Variants in DAPL1 observed in about 807,000 individuals in gnomAD.
The protein encoded by DAPL1 is death associated protein like 1, also known as death-associated protein-like 1.
A neutral mutation model predicts 12.9 loss-of-function variants in DAPL1; 17 were observed. That is an observed-to-expected ratio of 1.32 (90% CI 0.90 to 1.98). The LOEUF is 1.98. Ranked by LOEUF, DAPL1 falls within the 30% of genes most tolerant of loss-of-function variation. The probability of loss-of-function intolerance (pLI) is 0.00; values close to 1 mark genes in which losing one functional copy is unlikely to be tolerated. For synonymous variants in DAPL1, 51 were observed against 42.0 expected (o/e 1.21, Z -0.82); for missense variants, 157 against 125.7 (o/e 1.25, Z -1.19).
At chr2:158,796,296 TAGGCCA>T (rs2059134109) in intron 1 of DAPL1, among the ~76,000 whole-genome samples, 1 of 152,208 alleles carries the variant, frequency 6.6e-6, no homozygotes, top group African/African-American at 2.4e-5. Context: ...CTGGCACCTC[TAGGCCA>T]AGGTTATTTC....
At chr2:158,798,386 G>A (rs1448933063) in intron 1 of DAPL1, among the ~76,000 whole-genome samples, 2 of 152,190 alleles carry the variant, frequency 1.3e-5, no homozygotes, top group Non-Finnish European at 2.9e-5. Flanking sequence ...ATCTGCTCAA[G>A]TCAACTTGGG....
intron 3 of DAPL1, among the ~76,000 whole-genome samples, chr2:158,814,768 G>A (rs2059251184): frequency 1.3e-5 from 2 of 152,198 alleles, no homozygotes; most frequent in African/African-American, 4.8e-5. Flanking sequence ...TGAGTGCCAA[G>A]GCAAGGGCAT....
intron 2 of DAPL1, among the ~76,000 whole-genome samples, chr2:158,806,587 T>C (rs9288722): frequency 0.63 from 95,801 of 151,788 alleles, 30,756 homozygotes; most frequent in East Asian, 0.84. Flanking sequence ...GTAATCTCAG[T>C]ACTTTGGGAG....
At chr2:158,804,406 G>T (rs2059188052) in intron 2 of DAPL1, 37 bp downstream of exon 2, 1 of 1,449,082 alleles carries the variant, frequency 6.9e-7, no homozygotes. Flanking sequence ...ACCTTGAGGA[G>T]TTTTGAGTGA....
At chr2:158,812,794 C>CAAAA (rs148850724) in intron 3 of DAPL1, among the ~76,000 whole-genome samples, 1 of 124,460 alleles carries the variant, frequency 8.0e-6, no homozygotes, top group Non-Finnish European at 1.6e-5. Flanking sequence ...AACCTCAGCT[C>CAAAA]AAAAAAAAAA....
At chr2:158,798,375 C>T (rs2059146592) in intron 1 of DAPL1, among the ~76,000 whole-genome samples, 1 of 152,222 alleles carries the variant, frequency 6.6e-6, no homozygotes, top group South Asian at 2.1e-4. Flanking sequence ...CTCTCAATTC[C>T]ATCTGCTCAA....
At chr2:158,804,143 T>C in intron 1 of DAPL1, 139 bp from the exon 2 acceptor site, 1 of 564,788 alleles carries the variant, frequency 1.8e-6, no homozygotes, top group Non-Finnish European at 3.1e-6. Context: ...TATTTTTTAT[T>C]GTGTTGTTTT....
intron 3 of DAPL1, among the ~76,000 whole-genome samples, chr2:158,814,595 C>T (rs1332090847): frequency 1.3e-5 from 2 of 152,176 alleles, no homozygotes; most frequent in Non-Finnish European, 2.9e-5. Flanking sequence ...TTTGGAGTCA[C>T]ATTTCGTATG....
intron 3 of DAPL1, among the ~76,000 whole-genome samples, chr2:158,809,357 C>CAAAAAAAAAAAGA (rs2059218342): frequency 1.4e-5 from 1 of 69,528 alleles, no homozygotes; most frequent in African/African-American, 5.4e-5. Context: ...GACTCCATCT[C>CAAAAAAAAAAAGA]AAAAAAAAAA....
At chr2:158,807,168 C>T (rs2059207548) in intron 3 of DAPL1, 53 bp downstream of exon 3, 2 of 1,439,362 alleles carry the variant, frequency 1.4e-6, no homozygotes, top group African/African-American at 1.4e-5. Flanking sequence ...CCAGTGGATC[C>T]AGCTGCATGG....
intron 3 of DAPL1, among the ~76,000 whole-genome samples, chr2:158,814,579 G>T (rs1247708071): frequency 2.6e-5 from 4 of 152,340 alleles, no homozygotes; most frequent in African/African-American, 4.8e-5. Flanking sequence ...CAAGAAGAAA[G>T]GACTTTTTGG....
At chr2:158,802,633 T>A (rs1306411941) in intron 1 of DAPL1, among the ~76,000 whole-genome samples, 1 of 152,218 alleles carries the variant, frequency 6.6e-6, no homozygotes, top group Non-Finnish European at 1.5e-5. Flanking sequence ...CTGCATGTAG[T>A]CACAGTTTAG....
rs1385954061 is a variant in DAPL1, at chr2:158,804,366, C to G, written c.143C>G (p.Thr48Arg). 1.2e-6 allele frequency: 2 copies of G among 1,605,604 alleles called. No individual in the cohort carries two copies. The highest frequency in any genetic ancestry group is 2.2e-5 in the South Asian group (2 of 89,908). ...RHTKKTGFEKTSAIANVAKIQ... is the reference protein window; with the variant it reads ...RHTKKTGFEKRSAIANVAKIQ... ...ACCAAAAAAACAGGATTCGAGAAAA[C>G]AAGGTAGGGACTCTTAATTTTTCTC... The change falls in exon 2 of 4, where the codon ACA (threonine) becomes AGA (arginine). Residue 48 changes from threonine to arginine, a missense_variant. By Grantham distance (71) the Thr-to-Arg change is moderately conservative (BLOSUM62 -1). Transcript: ENST00000309950.
At chr2:158,809,912 G>T (rs1391001114) in intron 3 of DAPL1, among the ~76,000 whole-genome samples, 1 of 152,032 alleles carries the variant, frequency 6.6e-6, no homozygotes, top group Non-Finnish European at 1.5e-5. Flanking sequence ...TCACAATAAA[G>T]GTCAACCTGG....
At chr2:158,801,423 C>T (rs969741713) in intron 1 of DAPL1, among the ~76,000 whole-genome samples, 6 of 152,236 alleles carry the variant, frequency 3.9e-5, no homozygotes, top group African/African-American at 1.4e-4. Context: ...CAGAGGCACA[C>T]ACGCCTCAAA....
At position 158,805,751 on chromosome 2, in the gene DAPL1, A is replaced by G. The variant is rs1187511205; in HGVS notation, c.147-1304A>G. ...CAGGGGAGTTGGCTAGAGAGTAATA[A>G]GATGGTGATTGGAATCTTCTTTAAA... On this transcript the variant is annotated intron_variant, in intron 2 of 3. Coordinates refer to ENST00000309950, the MANE Select transcript of DAPL1 (RefSeq NM_001017920.3). 1.3e-5 allele frequency among the ~76,000 whole-genome samples: 2 copies of G among 148,736 alleles called. 1 individual carries two copies.
chr2:158,808,493 G>C (rs1279474349), intron 3 of DAPL1, among the ~76,000 whole-genome samples: 2 of 152,210 alleles, frequency 1.3e-5, no homozygotes, highest in Non-Finnish European at 2.9e-5. Context: ...TTTTATGACA[G>C]TGAAATAAGA....
intron 1 of DAPL1, 150 bp downstream of exon 1, chr2:158,795,580 G>C: frequency 1.3e-6 from 1 of 773,144 alleles, no homozygotes; most frequent in Non-Finnish European, 2.2e-6. Flanking sequence ...TTATGTCTTT[G>C]ATCCTTCTTA....
chr2:158,804,621 G>A (rs1266852946), intron 2 of DAPL1, among the ~76,000 whole-genome samples: 1 of 152,200 alleles, frequency 6.6e-6, no homozygotes. Context: ...TCTGCATCCA[G>A]CCCAGCGGCC....
Sources: gnomAD v4.1 joint callset for allele counts (sites outside exome capture counted in the v4.1 genomes callset) on GRCh38, gnomAD v4.1.1 for gene constraint, MANE v1.5 for transcripts, NCBI Gene and HGNC (gene_info 2026-07-23, HGNC 2026-07-21) for gene names.